Variants in COL8A1 observed in about 807,000 individuals in gnomAD.
The protein encoded by COL8A1 is collagen type VIII alpha 1 chain.
In COL8A1, 21 loss-of-function variants were observed where a neutral mutation model predicts 42.7. That is an observed-to-expected ratio of 0.49 (90% CI 0.35 to 0.71). COL8A1 has a LOEUF of 0.71. Ranked by LOEUF, COL8A1 falls within the 30% of genes least tolerant of loss-of-function variation. The pLI, the probability that COL8A1 is intolerant of heterozygous loss-of-function variation, is 0.01. For synonymous variants in COL8A1, 367 were observed against 369.1 expected, an observed-to-expected ratio of 0.99 and a Z score of 0.06; for missense variants, 788 against 962.4, an observed-to-expected ratio of 0.82 and a Z score of 2.40.
At chr3:99,793,073 A>G (rs1457850781) in intron 3 of COL8A1, among the ~76,000 whole-genome samples, 1 of 152,134 alleles carries the variant, frequency 6.6e-6, no homozygotes, top group Non-Finnish European at 1.5e-5. Context: ...AAACAATCGA[A>G]CTCATAGAAA....
chr3:99,736,296 T>C (rs1212717761), intron 1 of COL8A1, among the ~76,000 whole-genome samples: 2 of 152,226 alleles, frequency 1.3e-5, no homozygotes, highest in South Asian at 2.1e-4. Flanking sequence ...TTTAGTGCTA[T>C]AAATTTCCCT....
At chr3:99,733,698 GTTC>G (rs1940601759) in intron 1 of COL8A1, among the ~76,000 whole-genome samples, 1 of 151,352 alleles carries the variant, frequency 6.6e-6, no homozygotes, top group African/African-American at 2.4e-5. Flanking sequence ...GGTATTTCCA[GTTC>G]TAGATCCCTG....
At chr3:99,733,598 G>A (rs1372890497) in intron 1 of COL8A1, among the ~76,000 whole-genome samples, 6 of 151,942 alleles carry the variant, frequency 3.9e-5, no homozygotes, top group South Asian at 2.1e-4. Context: ...GAATAATGCC[G>A]CAATAAACAT....
chr3:99,782,745 A>G (rs1354138992), intron 2 of COL8A1, among the ~76,000 whole-genome samples: 1 of 152,154 alleles, frequency 6.6e-6, no homozygotes, highest in Non-Finnish European at 1.5e-5. Context: ...CACAATTACA[A>G]AAAACTTTAG....
At chr3:99,743,908 T>G (rs905694678) in intron 1 of COL8A1, among the ~76,000 whole-genome samples, 1 of 152,150 alleles carries the variant, frequency 6.6e-6, no homozygotes, top group Non-Finnish European at 1.5e-5. Context: ...AAATATTTTT[T>G]GAACAGCAAA....
chr3:99,758,948 T>C (rs1941312557), intron 2 of COL8A1, among the ~76,000 whole-genome samples: 1 of 152,134 alleles, frequency 6.6e-6, no homozygotes, highest in African/African-American at 2.4e-5. Flanking sequence ...TAAAGGACTA[T>C]TATTGGCCTT....
intron 1 of COL8A1, among the ~76,000 whole-genome samples, chr3:99,669,400 G>C (rs1426111479): frequency 6.6e-6 from 1 of 151,834 alleles, no homozygotes; most frequent in Non-Finnish European, 1.5e-5. Context: ...GACAGGAGCA[G>C]GGTCTGTAAA....
chr3:99,699,514 T>G (rs1212034189), intron 1 of COL8A1, among the ~76,000 whole-genome samples: 1 of 152,186 alleles, frequency 6.6e-6, no homozygotes, highest in Non-Finnish European at 1.5e-5. Flanking sequence ...TCAAAGGTTA[T>G]TTTACATGGA....
rs189781605 is a variant in COL8A1 at position 99,696,070 on chromosome 3, G to T, written c.-128-48827G>T. Among the ~76,000 whole-genome samples, 446 of 152,302 alleles carry T rather than the reference G, an allele frequency of 2.9e-3. 2 individuals are homozygous for T. Among genetic ancestry groups the T allele is most frequent in the African/African-American group, 9.8e-3 (407 of 41,562 alleles). ...AATTGCTTGAAGCCGGGAGGCAGAG[G>T]TTGCAATGAGCCAAGATTGCACCAC... is the stretch of plus-strand genomic sequence containing the variant. On this transcript the variant is annotated intron_variant, in intron 1 of 3. Coordinates refer to ENST00000652472, the MANE Select transcript of COL8A1 (RefSeq NM_020351.4).
chr3:99,764,394 C>A (rs1941419785), intron 2 of COL8A1, among the ~76,000 whole-genome samples: 1 of 152,170 alleles, frequency 6.6e-6, no homozygotes, highest in Non-Finnish European at 1.5e-5. Context: ...ATTTCAAATT[C>A]AATTATGAGT....
At chr3:99,709,171 C>G (rs1939764957) in intron 1 of COL8A1, among the ~76,000 whole-genome samples, 1 of 152,134 alleles carries the variant, frequency 6.6e-6, no homozygotes, top group Non-Finnish European at 1.5e-5. Flanking sequence ...TTTTCACTCT[C>G]AAGGCAGCCT....
chr3:99,750,049 C>CTTTTTTTTTTT (rs1176042144), intron 2 of COL8A1, among the ~76,000 whole-genome samples: 309 of 65,942 alleles, frequency 4.7e-3, no homozygotes, highest in East Asian at 5.3e-3. Context: ...TTTTTTTCTT[C>CTTTTTTTTTTT]TTTTTTTTTT....
At chr3:99,715,715 A>G (rs1314977444) in intron 1 of COL8A1, among the ~76,000 whole-genome samples, 1 of 151,992 alleles carries the variant, frequency 6.6e-6, no homozygotes, top group Non-Finnish European at 1.5e-5. Flanking sequence ...TTTTTTTTCT[A>G]GAATATAAAA....
intron 1 of COL8A1, among the ~76,000 whole-genome samples, chr3:99,649,707 T>C (rs1394233979): frequency 1.3e-5 from 2 of 152,062 alleles, no homozygotes; most frequent in Admixed American, 6.6e-5. Context: ...AGAACCGCGC[T>C]TCCACATTCC....
At chr3:99,700,507 C>T (rs1351752615) in intron 1 of COL8A1, among the ~76,000 whole-genome samples, 1 of 152,082 alleles carries the variant, frequency 6.6e-6, no homozygotes, top group Non-Finnish European at 1.5e-5. Flanking sequence ...AAGTTTCTCA[C>T]CACCTTCTAC....
chr3:99,705,399 C>A (rs938491386), intron 1 of COL8A1, among the ~76,000 whole-genome samples: 22 of 152,142 alleles, frequency 1.4e-4, no homozygotes, highest in African/African-American at 4.6e-4. Flanking sequence ...GTCCCAGTGG[C>A]AAATAGAAAG....
chr3:99,732,022 GA>G (rs1559620821), intron 1 of COL8A1, among the ~76,000 whole-genome samples: 1 of 152,098 alleles, frequency 6.6e-6, no homozygotes, highest in Non-Finnish European at 1.5e-5. Context: ...AGGGGCAGAA[GA>G]ATTCTTTTCT....
At chr3:99,756,392 C>G (rs1485266897) in intron 2 of COL8A1, among the ~76,000 whole-genome samples, 1 of 152,080 alleles carries the variant, frequency 6.6e-6, no homozygotes, top group Non-Finnish European at 1.5e-5. Flanking sequence ...GAATTCTGAA[C>G]CAGACCATGG....
intron 1 of COL8A1, among the ~76,000 whole-genome samples, chr3:99,703,884 TC>T (rs1467112124): frequency 3.9e-5 from 6 of 152,312 alleles, no homozygotes; most frequent in Admixed American, 1.3e-4. Flanking sequence ...AAAGAAATTC[TC>T]CACAGTGGAT....
Sources: allele counts gnomAD v4.1 joint callset (sites outside exome capture counted in the v4.1 genomes callset), GRCh38; gene constraint gnomAD v4.1.1; transcripts MANE v1.5; gene names NCBI Gene and HGNC (gene_info 2026-07-23, HGNC 2026-07-21).